The following RAP1GDS1 variants were observed in gnomAD, a reference collection of about 807,000 sequenced individuals.
RAP1GDS1 encodes Rap1 GTPase-GDP dissociation stimulator 1, also known as RAP1, GTP-GDP dissociation stimulator 1.
A neutral mutation model predicts 71.1 loss-of-function variants in RAP1GDS1; 35 were observed. That is an observed-to-expected ratio of 0.49 (90% CI 0.38 to 0.65). The LOEUF is 0.65. RAP1GDS1 is among the 30% of genes least tolerant of loss of function. The probability of loss-of-function intolerance (pLI) is 0.00; values close to 1 mark genes in which losing one functional copy is unlikely to be tolerated. For synonymous variants in RAP1GDS1, 229 were observed against 243.1 expected, an observed-to-expected ratio of 0.94 and a Z score of 0.54; for missense variants, 663 against 706.1, an observed-to-expected ratio of 0.94 and a Z score of 0.69.
At chr4:98,377,643 T>TGC (rs1190159917) in intron 4 of RAP1GDS1, among the ~76,000 whole-genome samples, 1 of 151,778 alleles carries the variant, frequency 6.6e-6, no homozygotes, top group African/African-American at 2.4e-5. Flanking sequence ...TGTGTGTGTG[T>TGC]GTGTGTGTAT....
chr4:98,389,304 T>G (rs1743248365), intron 5 of RAP1GDS1, among the ~76,000 whole-genome samples: 1 of 143,310 alleles, frequency 7.0e-6, no homozygotes, highest in African/African-American at 2.9e-5. Flanking sequence ...AAAGTGTGTT[T>G]TTTTTTTCTC....
At chr4:98,363,174 G>A (rs1002973087) in intron 4 of RAP1GDS1, among the ~76,000 whole-genome samples, 1 of 152,012 alleles carries the variant, frequency 6.6e-6, no homozygotes, top group African/African-American at 2.4e-5. Context: ...AAGAGAAGAG[G>A]AAGAATATTC....
intron 1 of RAP1GDS1, among the ~76,000 whole-genome samples, chr4:98,268,412 C>A (rs985886903): frequency 2.0e-5 from 3 of 151,636 alleles, no homozygotes; most frequent in Non-Finnish European, 4.4e-5. Flanking sequence ...AGAAAAAAAA[C>A]AAGGATGCCC....
At chr4:98,263,461 A>C (rs1722305183) in intron 1 of RAP1GDS1, among the ~76,000 whole-genome samples, 1 of 152,238 alleles carries the variant, frequency 6.6e-6, no homozygotes, top group Non-Finnish European at 1.5e-5. Flanking sequence ...ATTTTTAAAA[A>C]GGGCCAAATA....
chr4:98,395,214 A>G (rs1378451156), intron 6 of RAP1GDS1, among the ~76,000 whole-genome samples: 1 of 152,150 alleles, frequency 6.6e-6, no homozygotes, highest in Non-Finnish European at 1.5e-5. Flanking sequence ...TTTAGTATCT[A>G]TAGTTATTTT....
chr4:98,302,651 T>C lies in RAP1GDS1; in HGVS notation c.112+9136T>C, dbSNP rs932440448. Among the ~76,000 whole-genome samples, 4 of 152,076 alleles carry C rather than the reference T, an allele frequency of 2.6e-5. No individual in the cohort carries two copies. The South Asian group carries it at 8.3e-4, about 32-fold the overall frequency. On this transcript the variant is annotated intron_variant, in intron 2 of 14. Coordinates refer to ENST00000408927, the MANE Select transcript of RAP1GDS1 (RefSeq NM_001100427.2). ...ACTTGTGAAAATTGACCTGAAACAG[T>C]CAACTGAAAGACATAGTGTAGGAAA...
At chr4:98,425,344 T>C (rs1222893382) in intron 12 of RAP1GDS1, among the ~76,000 whole-genome samples, 2 of 152,148 alleles carry the variant, frequency 1.3e-5, no homozygotes, top group East Asian at 3.9e-4. Context: ...GTGGGGGGTA[T>C]ACAGGCAACA....
intron 2 of RAP1GDS1, among the ~76,000 whole-genome samples, chr4:98,318,541 G>A (rs1731287249): frequency 6.6e-6 from 1 of 152,172 alleles, no homozygotes; most frequent in South Asian, 2.1e-4. Flanking sequence ...GATGTGAGAT[G>A]ATAAAATACC....
At chr4:98,296,942 G>A in intron 2 of RAP1GDS1, 1 of 344,140 alleles carries the variant, frequency 2.9e-6, no homozygotes, top group Non-Finnish European at 5.4e-6. Context: ...TGTGTTGCCG[G>A]GGGGACCATA....
intron 2 of RAP1GDS1, among the ~76,000 whole-genome samples, chr4:98,309,941 TAAA>T (rs1224491363): frequency 6.6e-6 from 1 of 151,924 alleles, no homozygotes; most frequent in Non-Finnish European, 1.5e-5. Context: ...GTTAACTTTT[TAAA>T]AAAGAAGTTC....
chr4:98,423,550 C>T (rs1157154517), intron 12 of RAP1GDS1, among the ~76,000 whole-genome samples: 3 of 151,154 alleles, frequency 2.0e-5, no homozygotes, highest in African/African-American at 4.9e-5. Flanking sequence ...TTTGTTTTTT[C>T]GGGGTTTTTT....
At chr4:98,315,733 T>C (rs1730846411) in intron 2 of RAP1GDS1, among the ~76,000 whole-genome samples, 1 of 152,076 alleles carries the variant, frequency 6.6e-6, no homozygotes, top group Non-Finnish European at 1.5e-5. Flanking sequence ...AACATGATTT[T>C]TACTTGAAAA....
chr4:98,331,361 A>AGAGAGG (rs1168531141), intron 2 of RAP1GDS1, among the ~76,000 whole-genome samples: 2 of 142,564 alleles, frequency 1.4e-5, no homozygotes, highest in African/African-American at 2.7e-5. Flanking sequence ...AGAGGGAGAG[A>AGAGAGG]GAGAGGGAGA....
chr4:98,421,435 T>A, intron 12 of RAP1GDS1, 41 bp downstream of exon 12: 3 of 1,524,190 alleles, frequency 2.0e-6, no homozygotes, highest in Non-Finnish European at 2.6e-6. Context: ...AACTTCAGAG[T>A]GTCTTTTTCA....
chr4:98,435,529 G>A (rs1302124563), intron 13 of RAP1GDS1, among the ~76,000 whole-genome samples: 1 of 152,170 alleles, frequency 6.6e-6, no homozygotes, highest in Non-Finnish European at 1.5e-5. Flanking sequence ...TTCACACTGA[G>A]TAGGCTGAGG....
At chr4:98,336,349 T>G (rs888017708) in intron 2 of RAP1GDS1, among the ~76,000 whole-genome samples, 2 of 152,174 alleles carry the variant, frequency 1.3e-5, no homozygotes, top group African/African-American at 4.8e-5. Context: ...ATGACCTACT[T>G]AGTGGTAATT....
At position 98,416,334 on chromosome 4, in the gene RAP1GDS1, G is replaced by GTTTTTTTTTTTT. The variant is rs70955932; in HGVS notation, c.764-392_764-381dup. On this transcript the variant is annotated intron_variant, in intron 7 of 14. Transcript: ENST00000408927. ...ATTATCTAAATCATGCATTTTCTTA[G>GTTTTTTTTTTTT]TTTTTTTTTTTTTTTTTTTTTTTTT... Among the ~76,000 whole-genome samples, 21 of 51,554 alleles carry GTTTTTTTTTTTT rather than the reference G, an allele frequency of 4.1e-4. 6 individuals carry two copies. Among genetic ancestry groups the GTTTTTTTTTTTT allele is most frequent in the African/African-American group, 5.2e-4 (6 of 11,476 alleles). 33.8% of individuals were successfully genotyped at this position (51,554 alleles called of 152,430 possible).
chr4:98,358,286 C>G (rs1578573552), intron 4 of RAP1GDS1, among the ~76,000 whole-genome samples: 2 of 152,080 alleles, frequency 1.3e-5, no homozygotes, highest in South Asian at 4.2e-4. Flanking sequence ...AGTGACGGTT[C>G]TACAAAAGTT....
chr4:98,314,210 T>C (rs1218304782), intron 2 of RAP1GDS1, among the ~76,000 whole-genome samples: 2 of 152,192 alleles, frequency 1.3e-5, no homozygotes, highest in Non-Finnish European at 2.9e-5. Flanking sequence ...TTCTGAAAGC[T>C]TAAAGAACAT....
Sources: allele counts gnomAD v4.1 joint callset (sites outside exome capture counted in the v4.1 genomes callset), GRCh38; gene constraint gnomAD v4.1.1; transcripts MANE v1.5; gene names NCBI Gene and HGNC (gene_info 2026-07-23, HGNC 2026-07-21).